Variants in ADARB1 observed in about 807,000 individuals in gnomAD.
The protein encoded by ADARB1 is double-stranded RNA-specific editase 1.
In ADARB1, 10 loss-of-function variants were observed where a neutral mutation model predicts 52.4. That is an observed-to-expected ratio of 0.19 (90% CI 0.12 to 0.32). ADARB1 has a LOEUF of 0.32. Ranked by LOEUF, ADARB1 falls within the 10% of genes least tolerant of loss-of-function variation. ADARB1 has a pLI of 1.00. For missense variants in ADARB1, 643 were observed against 922.3 expected (o/e 0.70, Z 3.92); for synonymous variants, 349 against 371.1 (o/e 0.94, Z 0.68).
At position 45,223,775 on chromosome 21, in the gene ADARB1, G is replaced by T; in HGVS notation, c.*1578G>T. 3.0e-6 allele frequency: 3 copies of T among 985,430 alleles called. No homozygotes were observed. The South Asian group carries it at 1.4e-4, about 46-fold the overall frequency. 61.0% of individuals were successfully genotyped at this position (985,430 alleles called of 1,614,324 possible). ...AAAACTGAAACACCGTGGCTTCGGC[G>T]GGGGGTGTGCCTCCTGATGTCAGGA... On this transcript the variant is annotated 3_prime_UTR_variant, in exon 11 of 11. Transcript: ENST00000348831.
At chr21:45,107,499 C>T (rs2096167466) in intron 1 of ADARB1, among the ~76,000 whole-genome samples, 1 of 151,684 alleles carries the variant, frequency 6.6e-6, no homozygotes, top group Non-Finnish European at 1.5e-5. Flanking sequence ...GGCAAGGTTG[C>T]ATGAAGAACC....
chr21:45,225,722 G>T lies in ADARB1; in HGVS notation c.*3525G>T. On this transcript the variant is annotated 3_prime_UTR_variant, in exon 11 of 11. Coordinates refer to ENST00000348831, the MANE Select transcript of ADARB1 (RefSeq NM_001112.4). ...CCCAGAAGCAGGTGGTCTGCCCCAG[G>T]CATAAAGAAGGAAAATTGGCCATCT... The T allele has an allele frequency of 1.9e-6, 1 of 520,234 alleles. No individual in the cohort carries two copies. Among genetic ancestry groups the T allele is most frequent in the Non-Finnish European group, 3.0e-6 (1 of 331,150 alleles). 32.2% of individuals were successfully genotyped at this position (520,234 alleles called of 1,614,324 possible).
intron 1 of ADARB1, among the ~76,000 whole-genome samples, chr21:45,086,698 G>A (rs573663307): frequency 6.2e-4 from 94 of 152,318 alleles, no homozygotes; most frequent in African/African-American, 1.9e-3. Context: ...TAGCGTGTTC[G>A]TTTATTCCAC....
In ADARB1 at chr21:45,074,642, G is replaced by C; in HGVS notation, c.-371G>C. On this transcript the variant is annotated 5_prime_UTR_variant, in exon 1 of 11. Coordinates refer to ENST00000348831, the MANE Select transcript of ADARB1 (RefSeq NM_001112.4). ...GGCGGCAGCGGCGGCCAAGCGGCCAGGTTGGCGGCCGGGGCTCCGGGCCGC... is the reference window on the plus strand; with the variant it reads ...GGCGGCAGCGGCGGCCAAGCGGCCACGTTGGCGGCCGGGGCTCCGGGCCGC... 6.8e-6 allele frequency: 1 copy of C among 148,120 alleles called. No homozygotes were observed. The highest frequency in any genetic ancestry group is 1.5e-5 in the Non-Finnish European group (1 of 67,184). 9.2% of individuals were successfully genotyped at this position (148,120 alleles called of 1,614,324 possible).
At chr21:45,202,699 T>C (rs1246769352) in intron 8 of ADARB1, among the ~76,000 whole-genome samples, 1 of 152,202 alleles carries the variant, frequency 6.6e-6, no homozygotes, top group Non-Finnish European at 1.5e-5. Context: ...ATTTCTGACC[T>C]GTACTGCTGA....
At chr21:45,104,587 A>G (rs186570643) in intron 1 of ADARB1, among the ~76,000 whole-genome samples, 7 of 152,340 alleles carry the variant, frequency 4.6e-5, no homozygotes, top group Admixed American at 2.6e-4. Context: ...AACTCCCATC[A>G]TACTTACTAG....
intron 1 of ADARB1, among the ~76,000 whole-genome samples, chr21:45,115,883 T>G (rs2087796895): frequency 6.6e-6 from 1 of 152,214 alleles, no homozygotes; most frequent in African/African-American, 2.4e-5. Flanking sequence ...TGTCACCACA[T>G]TAAATAGTAG....
At chr21:45,162,117 A>G (rs527678993) in intron 2 of ADARB1, among the ~76,000 whole-genome samples, 3 of 151,668 alleles carry the variant, frequency 2.0e-5, no homozygotes, top group African/African-American at 7.2e-5. Flanking sequence ...AGAGGAGGAG[A>G]GAAGGAGAGA....
chr21:45,220,967 C>T lies in ADARB1; in HGVS notation c.1879C>T (p.Leu627=). The T allele has an allele frequency of 6.2e-7, 1 of 1,613,312 alleles. No individual in the cohort carries two copies. The highest frequency in any genetic ancestry group is 1.7e-5 in the Admixed American group (1 of 60,036). ...GKDELGRASR[L]CKHALYCRWM... is the part of the protein sequence containing the mutation. ...GGATGAGCTGGGCCGCGCGTCCCGCCTGTGTAAGCACGCGTTGTACTGTCG... is the reference window on the plus strand; with the variant it reads ...GGATGAGCTGGGCCGCGCGTCCCGCTTGTGTAAGCACGCGTTGTACTGTCG... The change falls in exon 10 of 11, where the codon CTG becomes TTG. Residue 627 remains leucine (L), a synonymous_variant. Coordinates refer to ENST00000348831, the MANE Select transcript of ADARB1 (RefSeq NM_001112.4). The surrounding 1 kb of genome is among the most constrained non-coding windows in gnomAD (Gnocchi z 6.3).
chr21:45,095,858 G>A (rs2086736996), intron 1 of ADARB1, among the ~76,000 whole-genome samples: 1 of 152,204 alleles, frequency 6.6e-6, no homozygotes, highest in Non-Finnish European at 1.5e-5. Context: ...CCCACAGCCA[G>A]ATCAACAAGG....
chr21:45,174,542 A>C (rs547433136), intron 3 of ADARB1, among the ~76,000 whole-genome samples: 5 of 152,246 alleles, frequency 3.3e-5, no homozygotes, highest in African/African-American at 1.2e-4. Flanking sequence ...GTCTCTACTA[A>C]AAATACAAAA....
intron 1 of ADARB1, among the ~76,000 whole-genome samples, chr21:45,109,491 C>T (rs538995909): frequency 6.6e-6 from 1 of 152,318 alleles, no homozygotes; most frequent in East Asian, 1.9e-4. Flanking sequence ...ATCCACCTTT[C>T]CTTATCAGTC....
chr21:45,139,583 G>A lies in ADARB1; in HGVS notation c.-48+11010G>A, dbSNP rs80106630. On this transcript the variant is annotated intron_variant, in intron 2 of 10. Coordinates refer to ENST00000348831, the MANE Select transcript of ADARB1 (RefSeq NM_001112.4). ...GCAAGTGTCTCAACTCCCATGCTCA[G>A]CTTCCTCCTCTGTCACGTGGGGCAG... Among the ~76,000 whole-genome samples, 1,187 of 152,316 alleles carry A rather than the reference G, an allele frequency of 7.8e-3. 12 individuals are homozygous for A. The highest frequency in any genetic ancestry group is 0.013 in the Admixed American group (198 of 15,306).
At chr21:45,139,720 G>A (rs1208548759) in intron 2 of ADARB1, among the ~76,000 whole-genome samples, 2 of 152,124 alleles carry the variant, frequency 1.3e-5, no homozygotes, top group Non-Finnish European at 2.9e-5. Context: ...TTGTTGAGAG[G>A]GACCACTGCC....
chr21:45,093,369 C>T (rs1245224313), intron 1 of ADARB1, among the ~76,000 whole-genome samples: 3 of 152,338 alleles, frequency 2.0e-5, no homozygotes, highest in Non-Finnish European at 4.4e-5. Context: ...GGGCTTGGCT[C>T]TTCTAGGTCT....
In ADARB1 at chr21:45,223,378, C is replaced by T. The variant is rs1342209352; in HGVS notation, c.*1181C>T. 8 of 985,556 alleles carry T rather than the reference C, an allele frequency of 8.1e-6. No individual in the cohort carries two copies. Among genetic ancestry groups the T allele is most frequent in the Non-Finnish European group, 9.6e-6 (8 of 830,102 alleles). The allele number at this position is 985,556 out of a possible 1,614,324, so 61.1% of individuals were successfully genotyped here. Reference sequence around the variant, plus strand: ...AGGGCTGCCCAGCGCCCAGCGTGCACGGGACGGCCCCACGACAGAGGGAGT... The same window carrying T: ...AGGGCTGCCCAGCGCCCAGCGTGCATGGGACGGCCCCACGACAGAGGGAGT... On this transcript the variant is annotated 3_prime_UTR_variant, in exon 11 of 11. Coordinates refer to ENST00000348831, the MANE Select transcript of ADARB1 (RefSeq NM_001112.4).
At chr21:45,156,205 A>ATCCG (rs1357147721) in intron 2 of ADARB1, among the ~76,000 whole-genome samples, 1 of 151,722 alleles carries the variant, frequency 6.6e-6, no homozygotes, top group East Asian at 2.0e-4. Flanking sequence ...TCTGTCATCC[A>ATCCG]TCCATCCATC....
intron 1 of ADARB1, among the ~76,000 whole-genome samples, chr21:45,087,086 T>C (rs1424678453): frequency 6.6e-6 from 1 of 152,182 alleles, no homozygotes; most frequent in Non-Finnish European, 1.5e-5. Context: ...TACCGGGTGT[T>C]TGATGTTTTC....
chr21:45,207,489 A>G (rs1326883439), intron 9 of ADARB1, among the ~76,000 whole-genome samples: 2 of 152,190 alleles, frequency 1.3e-5, no homozygotes, highest in African/African-American at 4.8e-5. Context: ...GACAAAAGGA[A>G]CCAAACAAGA....
Sources: allele counts gnomAD v4.1 joint callset (sites outside exome capture counted in the v4.1 genomes callset), GRCh38; gene constraint gnomAD v4.1.1; non-coding constraint Gnocchi (gnomAD v3.1); transcripts MANE v1.5; gene names NCBI Gene and HGNC (gene_info 2026-07-23, HGNC 2026-07-21).